ERCC5: variants seen among roughly 807,000 people sequenced by gnomAD.
The protein encoded by ERCC5 is DNA excision repair protein ERCC-5.
In ERCC5, 68 loss-of-function variants were observed where a neutral mutation model predicts 105.6. That is an observed-to-expected ratio of 0.64 (90% CI 0.53 to 0.79). The LOEUF (loss-of-function observed/expected upper bound fraction) is 0.79, where lower values mean the gene tolerates loss of function less well. Among genes scored for constraint, ERCC5 ranks in the 30% least tolerant of loss-of-function variants. The pLI is 0.00. For missense variants in ERCC5, 1,373 were observed against 1,426.7 expected (o/e 0.96, Z 0.61); for synonymous variants, 546 against 526.2 (o/e 1.04, Z -0.51).
chr13:102,868,745 C>A (rs1315727497), intron 12 of ERCC5, among the ~76,000 whole-genome samples: 3 of 152,232 alleles, frequency 2.0e-5, no homozygotes, highest in Non-Finnish European at 4.4e-5. Context: ...ACATCCAGCA[C>A]TCCTGTCCTG....
At position 102,875,574 on chromosome 13, in the gene ERCC5, T is replaced by G; in HGVS notation, c.3232T>G (p.Ser1078Ala). 1.2e-6 allele frequency: 2 copies of G among 1,612,786 alleles called. No individual in the cohort carries two copies. Among genetic ancestry groups the G allele is most frequent in the Middle Eastern group, 1.6e-4 (1 of 6,062 alleles). ...SSLKRKRLSD[S>A]KGKNTCGGFL... ...CCTGAAAAGAAAGAGGCTTTCAGAT[T>G]CTAAAGGAAAGAATACATGCGGTGG... Residue 1078 changes from serine (S) to alanine (A), a missense_variant, in exon 15 of 15, where the codon TCT becomes GCT. Ser to Ala is a moderately conservative substitution (Grantham distance 99, BLOSUM62 1). This residue lies in a region of ERCC5 where 367 missense variants were observed against 350.2 expected (regional missense o/e 1.05). Transcript: ENST00000652225.
At chr13:102,869,140 A>T (rs1882946505) in intron 12 of ERCC5, among the ~76,000 whole-genome samples, 1 of 152,194 alleles carries the variant, frequency 6.6e-6, no homozygotes, top group Admixed American at 6.5e-5. Flanking sequence ...CTCTGACCTG[A>T]AGAGTCAGTG....
At chr13:102,864,889 G>C (rs1882779080) in intron 8 of ERCC5, 1 of 152,374 alleles carries the variant, frequency 6.6e-6, no homozygotes. Flanking sequence ...ACTGACATCT[G>C]CAATTCCATG....
intron 14 of ERCC5, 103 bp from the exon 15 acceptor site, chr13:102,875,204 T>A: frequency 7.8e-7 from 1 of 1,285,508 alleles, no homozygotes; most frequent in Non-Finnish European, 1.1e-6. Context: ...TTCTCTGACA[T>A]AGTAATCCAA....
intron 6 of ERCC5, 84 bp downstream of exon 6, chr13:102,858,502 C>G: frequency 6.4e-7 from 1 of 1,572,002 alleles, no homozygotes; most frequent in Non-Finnish European, 8.7e-7. Flanking sequence ...AATTGATAAG[C>G]AATACTTACA....
intron 3 of ERCC5, 112 bp downstream of exon 3, chr13:102,853,984 G>A: frequency 9.2e-7 from 1 of 1,083,498 alleles, no homozygotes; most frequent in Non-Finnish European, 1.4e-6. Flanking sequence ...ACAGAAAATA[G>A]AGAGTGAAAT....
intron 12 of ERCC5, 123 bp from the exon 13 acceptor site, chr13:102,872,075 C>T (rs1883051806): frequency 8.8e-7 from 1 of 1,135,144 alleles, no homozygotes; most frequent in African/African-American, 1.6e-5. Context: ...ATAAAATATT[C>T]TATATAGCAT....
intron 5 of ERCC5, among the ~76,000 whole-genome samples, chr13:102,857,019 A>T (rs1477084121): frequency 6.6e-6 from 1 of 152,254 alleles, no homozygotes; most frequent in Non-Finnish European, 1.5e-5. Context: ...TGTCCCACAC[A>T]TATTTTCATG....
In ERCC5 at chr13:102,862,543, G is replaced by C; in HGVS notation, c.1394G>C (p.Arg465Thr). ...EEHVASTNEG[R>T]EPTDSVPKEQ... is the part of the protein sequence containing the mutation. ...CACGTAGCCAGCACTAATGAGGGGA[G>C]AGAGCCCACAGACTCAGTTCCAAAA... is the stretch of plus-strand genomic sequence containing the variant. Residue 465 changes from arginine to threonine, a missense_variant, in exon 8 of 15, where the codon AGA (arginine) becomes ACA (threonine). Physicochemically the swap from Arg to Thr is moderately conservative, Grantham distance 71 (BLOSUM62 -1). Transcript: ENST00000652225. The C allele has an allele frequency of 6.2e-7, 1 of 1,614,194 alleles. No homozygotes were observed. Among genetic ancestry groups the C allele is most frequent in the Middle Eastern group, 1.6e-4 (1 of 6,062 alleles).
At position 102,865,776 on chromosome 13, in the gene ERCC5, T is replaced by G; in HGVS notation, c.2064T>G (p.Thr688=). Reference sequence around the variant, plus strand: ...AAGGCGAAGAGGAACTGGTAGGAACTAGGGAGGGAGAAGCCCCTGCTGAGT... The same window carrying G: ...AAGGCGAAGAGGAACTGGTAGGAACGAGGGAGGGAGAAGCCCCTGCTGAGT... The part of the protein sequence containing the change: ...SEQGEEELVG[T]REGEAPAESE... The change falls in exon 9 of 15, where the codon ACT becomes ACG. Residue 688 remains threonine, a synonymous_variant. Transcript: ENST00000652225. This position sits in a 1 kb window ranked among gnomAD's most constrained non-coding sequence, Gnocchi z 4.0. 6.2e-7 allele frequency: 1 copy of G among 1,614,042 alleles called. No individual in the cohort carries two copies. The highest frequency in any genetic ancestry group is 1.3e-5 in the African/African-American group (1 of 75,002).
intron 11 of ERCC5, among the ~76,000 whole-genome samples, chr13:102,867,140 G>C (rs185737118): frequency 2.0e-4 from 31 of 152,328 alleles, no homozygotes; most frequent in Admixed American, 1.3e-3. Context: ...AGCAGGCCGC[G>C]CCTGGGCCTG....
At chr13:102,871,407 G>A (rs9586000) in intron 12 of ERCC5, among the ~76,000 whole-genome samples, 12 of 152,168 alleles carry the variant, frequency 7.9e-5, no homozygotes, top group African/African-American at 2.9e-4. Context: ...ATTGAAAAAT[G>A]AATAAAATAT....
At chr13:102,860,869 AT>A (rs1322209934) in intron 6 of ERCC5, among the ~76,000 whole-genome samples, 1 of 152,088 alleles carries the variant, frequency 6.6e-6, no homozygotes, top group African/African-American at 2.4e-5. Flanking sequence ...TCACTTGCAT[AT>A]TTACCTACAT....
Position 102,875,640 on chromosome 13 carries a change from T to A in ERCC5, c.3298T>A (p.Ser1100Thr). ...ETCLSESSDGSSSEDAESSSL... is the reference protein window; with the variant it reads ...ETCLSESSDGTSSEDAESSSL... ...CTGCCTCTCAGAATCATCTGATGGA[T>A]CTTCAAGTGAAGATGCTGAAAGTTC... Residue 1100 changes from serine (S) to threonine (T), a missense_variant, in exon 15 of 15, where the codon TCT becomes ACT. By Grantham distance (58) the Ser-to-Thr change is moderately conservative. Around this residue, in one of 3 missense-constraint regions of ERCC5, gnomAD observed 367 missense variants for 350.2 expected, o/e 1.05. Transcript: ENST00000652225. The A allele has an allele frequency of 6.2e-7, 1 of 1,614,128 alleles. No homozygotes were observed. The highest frequency in any genetic ancestry group is 8.5e-7 in the Non-Finnish European group (1 of 1,179,978).
At chr13:102,861,766 A>G (rs1010603939) in intron 7 of ERCC5, 52 bp downstream of exon 7, 5 of 1,598,582 alleles carry the variant, frequency 3.1e-6, no homozygotes, top group Non-Finnish European at 3.4e-6. Context: ...AAGATATATC[A>G]TGACTCTGAA....
chr13:102,854,610 G>T (rs1201127690), intron 4 of ERCC5, among the ~76,000 whole-genome samples: 10 of 152,086 alleles, frequency 6.6e-5, no homozygotes, highest in Admixed American at 6.5e-4. Flanking sequence ...CTTCTGCCAG[G>T]GCTGTGGATT....
intron 5 of ERCC5, among the ~76,000 whole-genome samples, chr13:102,856,988 C>CA (rs369389422): frequency 6.2e-4 from 95 of 152,278 alleles, no homozygotes; most frequent in African/African-American, 2.2e-3. Flanking sequence ...ATGGAAGGGG[C>CA]AGAGAGTTAG....
chr13:102,872,169 TG>T lies in ERCC5; in HGVS notation c.2679-28del, dbSNP rs762061656. On this transcript the variant is annotated intron_variant, in intron 12 of 14. Transcript: ENST00000652225. ...TATGAACTATAATGTCTCATTGCTG[TG>T]TAAGTAATTGTTTCCTTTATTTTAC... 6 of 1,609,512 alleles carry T rather than the reference TG, an allele frequency of 3.7e-6. No homozygotes were observed. In the Admixed American group the frequency reaches 1.0e-4, roughly 27 times the overall value.
intron 6 of ERCC5, among the ~76,000 whole-genome samples, chr13:102,858,632 G>A (rs964576886): frequency 4.6e-5 from 7 of 152,016 alleles, no homozygotes; most frequent in African/African-American, 1.7e-4. Context: ...CTTTTGACCC[G>A]AGACTAGGTC....
Sources: gnomAD v4.1 joint callset for allele counts (sites outside exome capture counted in the v4.1 genomes callset) on GRCh38, gnomAD v4.1.1 for gene constraint, gnomAD v4.1.1 regional missense constraint, Gnocchi (gnomAD v3.1) non-coding constraint, MANE v1.5 for transcripts, NCBI Gene and HGNC (gene_info 2026-07-23, HGNC 2026-07-21) for gene names.